Variants in DLST observed in about 807,000 individuals in gnomAD.
DLST encodes dihydrolipoamide S-succinyltransferase, also known as dihydrolipoyllysine-residue succinyltransferase component of 2-oxoglutarate dehydrogenase complex, mitochondrial.
In DLST, 17 loss-of-function variants were observed where a neutral mutation model predicts 53.1. The observed-to-expected ratio is 0.32, with a 90% CI of 0.22 to 0.48. The LOEUF is 0.48. Among genes scored for constraint, DLST ranks in the 20% least tolerant of loss-of-function variants. The pLI, the probability that DLST is intolerant of heterozygous loss-of-function variation, is 0.99. For missense variants in DLST, 512 were observed against 583.9 expected (o/e 0.88, Z 1.27); for synonymous variants, 206 against 204.8 (o/e 1.01, Z -0.05).
At chr14:74,898,566 C>A in intron 11 of DLST, 67 bp downstream of exon 11, 2 of 1,539,036 alleles carry the variant, frequency 1.3e-6, no homozygotes, top group South Asian at 1.2e-5. Flanking sequence ...GACCTGCTCC[C>A]ACATGCAGAG....
rs375184441 is a variant in DLST, at chr14:74,890,167, G to T, written c.330+215G>T. 5.7e-5 allele frequency among the ~76,000 whole-genome samples: 6 copies of T among 104,586 alleles called. No homozygotes were observed. In the South Asian group the frequency reaches 8.9e-4, roughly 15 times the overall value. The allele number at this position is 104,586 out of a possible 152,430, so 68.6% of individuals were successfully genotyped here. ...TTTTTTGAGACAGACTTGCTCTGTT[G>T]CCCAGGCTGGAGTGCAATGGCCTGA... On this transcript the variant is annotated intron_variant, in intron 6 of 14. Coordinates refer to ENST00000334220, the MANE Select transcript of DLST (RefSeq NM_001933.5).
At chr14:74,889,756 C>T (rs1883837078) in intron 5 of DLST, 141 bp from the exon 6 acceptor site, 3 of 740,848 alleles carry the variant, frequency 4.0e-6, no homozygotes, top group East Asian at 5.2e-5. Context: ...GAATTTATAG[C>T]TCTGCCGTTT....
At chr14:74,893,523 C>T (rs1883980225) in intron 9 of DLST, 99 bp downstream of exon 9, 25 of 1,281,276 alleles carry the variant, frequency 2.0e-5, no homozygotes, top group Middle Eastern at 1.8e-4. Context: ...TGCCTGGCAG[C>T]TCATTCCCTC....
chr14:74,894,099 G>T (rs897144791), intron 9 of DLST, among the ~76,000 whole-genome samples: 1 of 152,106 alleles, frequency 6.6e-6, no homozygotes, highest in African/African-American at 2.4e-5. Context: ...CAAGCTTTAG[G>T]CACATCTGAG....
In DLST at chr14:74,902,738, A is replaced by G. The variant is rs1884303963; in HGVS notation, c.*408A>G. The G allele has an allele frequency of 1.3e-5, 2 of 154,948 alleles. No homozygotes were observed. Among genetic ancestry groups the G allele is most frequent in the Admixed American group, 1.3e-4 (2 of 15,408 alleles). 9.6% of individuals were successfully genotyped at this position (154,948 alleles called of 1,614,324 possible). On this transcript the variant is annotated 3_prime_UTR_variant, in exon 15 of 15. Transcript: ENST00000334220. ...TTGTTCTGCAGAGACTTCTAGGAGG[A>G]TGCTGTGCCTCCCAAGCTCAGAGCA...
At position 74,881,924 on chromosome 14, in the gene DLST, T is replaced by C. The variant is rs1236882765; in HGVS notation, c.-30T>C. 11 of 1,519,774 alleles carry C rather than the reference T, an allele frequency of 7.2e-6. No homozygotes were observed. In the South Asian group the frequency reaches 9.7e-5, roughly 13 times the overall value. 94.1% of individuals were successfully genotyped at this position (1,519,774 alleles called of 1,614,324 possible). A position where few individuals can be genotyped will look rare whatever the true frequency, so the allele number is the denominator to read the frequency against. On this transcript the variant is annotated 5_prime_UTR_variant, in exon 1 of 15. Transcript: ENST00000334220. Reference sequence around the variant, plus strand: ...GGTTGTTGTCCGGCCCTATATCCGGTGTCCGCCCGCCCTCGGCTCCTCCGC... The same window carrying C: ...GGTTGTTGTCCGGCCCTATATCCGGCGTCCGCCCGCCCTCGGCTCCTCCGC...
chr14:74,884,379 C>G (rs995000638), intron 2 of DLST, among the ~76,000 whole-genome samples: 1 of 152,162 alleles, frequency 6.6e-6, no homozygotes, highest in African/African-American at 2.4e-5. Context: ...TAAACATTTT[C>G]TCCACTTCAT....
At chr14:74,898,588 C>T in intron 11 of DLST, 89 bp downstream of exon 11, 4 of 1,462,574 alleles carry the variant, frequency 2.7e-6, no homozygotes, top group Non-Finnish European at 2.7e-6. Flanking sequence ...ATCAACAGAC[C>T]AAGGCTTTTT....
Position 74,890,104 on chromosome 14 carries a change from A to AC in DLST, c.330+152_330+153insC, listed in dbSNP as rs1182478523. On this transcript the variant is annotated intron_variant, in intron 6 of 14. Transcript: ENST00000334220. ...ATTGGATTTGTTCAATTTAAAAAAA[A>AC]AACAACTTTTTACATTTAACTTTTT... The AC allele has an allele frequency of 4.5e-6, 3 of 674,146 alleles. No individual in the cohort carries two copies. In the African/African-American group the frequency reaches 5.8e-5, roughly 13 times the overall value. 41.8% of individuals were successfully genotyped at this position (674,146 alleles called of 1,614,324 possible). A position where few individuals can be genotyped will look rare whatever the true frequency, so the allele number is the denominator to read the frequency against.
At chr14:74,901,367 CTGA>C in intron 14 of DLST, 134 bp downstream of exon 14, 1 of 854,510 alleles carries the variant, frequency 1.2e-6, no homozygotes, top group Non-Finnish European at 1.8e-6. Flanking sequence ...AGCTAAGGCA[CTGA>C]TTATCAAATT....
intron 3 of DLST, among the ~76,000 whole-genome samples, chr14:74,888,839 G>A (rs1395222864): frequency 2.6e-5 from 4 of 152,158 alleles, no homozygotes; most frequent in Admixed American, 2.6e-4. Context: ...GCAGCACAGG[G>A]GCCTGAGCAT....
intron 2 of DLST, among the ~76,000 whole-genome samples, chr14:74,883,225 G>A (rs530754327): frequency 2.0e-5 from 3 of 151,860 alleles, no homozygotes; most frequent in Non-Finnish European, 4.4e-5. Context: ...AAGCCGGGAG[G>A]CGGAGCTTGC....
chr14:74,889,426 T>C, intron 5 of DLST, 77 bp downstream of exon 5: 1 of 1,240,840 alleles, frequency 8.1e-7, no homozygotes, highest in Middle Eastern at 2.9e-4. Flanking sequence ...TGGAGTGCAG[T>C]GGTATGATCT....
rs988279839 is a variant in DLST, at chr14:74,890,245, A to G, written c.330+293A>G. On this transcript the variant is annotated intron_variant, in intron 6 of 14. Transcript: ENST00000334220. ...TGGGTTCAAGCGATTCTCCTGCCTC[A>G]GCCTCCCTAGTATCTGGGCTTACAG... is the stretch of plus-strand genomic sequence containing the variant. Among the ~76,000 whole-genome samples, 7 of 147,590 alleles carry G rather than the reference A, an allele frequency of 4.7e-5. No individual in the cohort carries two copies. The South Asian group carries it at 1.5e-3, about 31-fold the overall frequency.
intron 10 of DLST, 114 bp downstream of exon 10, chr14:74,894,523 T>G (rs1015695676): frequency 4.5e-6 from 5 of 1,123,078 alleles, no homozygotes; most frequent in Non-Finnish European, 6.3e-6. Flanking sequence ...GAAGAGGTAT[T>G]TGTTTATTGT....
rs1467479453 is a variant in DLST, at chr14:74,882,688, C to G, written c.97+64C>G. On this transcript the variant is annotated intron_variant, in intron 2 of 14. Transcript: ENST00000334220. ...CCTGGGCAGAGCAGTATGTGAGGAA[C>G]TCGGGGGTGCCTGTGTTTCTCATAA... 5 of 1,465,304 alleles carry G rather than the reference C, an allele frequency of 3.4e-6. No homozygotes were observed. In the African/African-American group the frequency reaches 5.6e-5, roughly 16 times the overall value. 90.8% of individuals were successfully genotyped at this position (1,465,304 alleles called of 1,614,324 possible).
intron 13 of DLST, among the ~76,000 whole-genome samples, chr14:74,900,759 G>T (rs543250743): frequency 6.6e-6 from 1 of 152,160 alleles, no homozygotes; most frequent in Admixed American, 6.5e-5. Flanking sequence ...GGGTCTCGCT[G>T]TGTTGCCCAG....
At chr14:74,892,429 A>G (rs1397336124) in intron 7 of DLST, among the ~76,000 whole-genome samples, 2 of 152,080 alleles carry the variant, frequency 1.3e-5, no homozygotes, top group Admixed American at 6.6e-5. Context: ...TCTTGCATAT[A>G]TAATGTTAAA....
At chr14:74,900,985 C>A in intron 13 of DLST, 81 bp from the exon 14 acceptor site, 1 of 1,517,208 alleles carries the variant, frequency 6.6e-7, no homozygotes. Flanking sequence ...CTCGGCCTCC[C>A]AAAGCGCTGG....
Sources: allele counts gnomAD v4.1 joint callset (sites outside exome capture counted in the v4.1 genomes callset), GRCh38; gene constraint gnomAD v4.1.1; transcripts MANE v1.5; gene names NCBI Gene and HGNC (gene_info 2026-07-23, HGNC 2026-07-21).